NEK9: variants seen among roughly 807,000 people sequenced by gnomAD.
NEK9 encodes the protein NIMA related kinase 9.
In NEK9, 75 loss-of-function variants were observed where a neutral mutation model predicts 123.4. The ratio of observed to expected loss-of-function variants is 0.61; its 90% CI spans 0.50 to 0.74. The LOEUF (loss-of-function observed/expected upper bound fraction) is 0.74. Ranked by LOEUF, NEK9 falls within the 30% of genes least tolerant of loss-of-function variation. NEK9 has a pLI of 0.00. For missense variants in NEK9, 952 were observed against 1,214.4 expected, an observed-to-expected ratio of 0.78 and a Z score of 3.21; for synonymous variants, 438 against 458.7, an observed-to-expected ratio of 0.95 and a Z score of 0.58.
intron 20 of NEK9, among the ~76,000 whole-genome samples, chr14:75,088,010 T>C (rs545563248): frequency 1.3e-5 from 2 of 152,350 alleles, no homozygotes; most frequent in East Asian, 3.8e-4. Context: ...TGGCCTTTAA[T>C]AGGAAAAGTC....
At chr14:75,117,131 GCTTAGT>G in intron 6 of NEK9, 58 bp downstream of exon 6, 1 of 1,538,548 alleles carries the variant, frequency 6.5e-7, no homozygotes. Flanking sequence ...GAGTTGATCT[GCTTAGT>G]CAAGCTGTAC....
At chr14:75,099,468 T>C (rs1356776475) in intron 16 of NEK9, among the ~76,000 whole-genome samples, 1 of 151,742 alleles carries the variant, frequency 6.6e-6, no homozygotes, top group African/African-American at 2.4e-5. Flanking sequence ...GAATGTAGGA[T>C]AGCAACAGCA....
chr14:75,096,137 G>C (rs1054948698), intron 17 of NEK9, among the ~76,000 whole-genome samples: 1 of 151,942 alleles, frequency 6.6e-6, no homozygotes, highest in African/African-American at 2.4e-5. Flanking sequence ...CCAAAAATTA[G>C]CCAGGTGTGA....
At chr14:75,097,407 T>C (rs1316244096) in intron 16 of NEK9, 137 bp from the exon 17 acceptor site, 5 of 670,706 alleles carry the variant, frequency 7.5e-6, no homozygotes, top group South Asian at 3.9e-5. Flanking sequence ...TATTCTCCTA[T>C]ATAAAGCTTA....
intron 6 of NEK9, 74 bp from the exon 7 acceptor site, chr14:75,114,387 A>G (rs1215452071): frequency 8.7e-7 from 1 of 1,154,014 alleles, no homozygotes; most frequent in Non-Finnish European, 1.3e-6. Context: ...AGGGGCTCTC[A>G]GGTGTCTGTG....
At position 75,103,849 on chromosome 14, in the gene NEK9, T is replaced by C. The variant is rs1264697030; in HGVS notation, c.1724A>G (p.Asn575Ser). ...ACCAATCAGGACACTCACTTCATGG[T>C]TGATAATTCCCGACATGCACTGATT... is the stretch of plus-strand genomic sequence containing the variant. Reference protein sequence around the residue: ...GLNQCMSGIINHEAYHEVPYT... With the variant: ...GLNQCMSGIISHEAYHEVPYT... Residue 575 changes from asparagine (N) to serine (S), a missense_variant, in exon 14 of 22, where the codon AAC (asparagine) becomes AGC (serine). Asn to Ser is a conservative substitution (Grantham distance 46). Transcript: ENST00000238616. The C allele has an allele frequency of 6.2e-7, 1 of 1,610,962 alleles. No individual in the cohort carries two copies. Among genetic ancestry groups the C allele is most frequent in the Admixed American group, 1.7e-5 (1 of 59,244 alleles).
Position 75,127,028 on chromosome 14 carries a change from A to G in NEK9, c.-107T>C, listed in dbSNP as rs1895563645. On this transcript the variant is annotated 5_prime_UTR_variant, in exon 1 of 22. Transcript: ENST00000238616. The stretch of plus-strand genomic sequence containing the variant: ...CGGCCCGCGGATCCGTCAGCCCAGC[A>G]ACCCCGCGAAGCTCGATGGTGGCTC... 1 of 921,724 alleles carries G rather than the reference A, an allele frequency of 1.1e-6. No homozygotes were observed. Among genetic ancestry groups the G allele is most frequent in the Non-Finnish European group, 1.5e-6 (1 of 645,716 alleles). The allele number at this position is 921,724 out of a possible 1,614,324, so 57.1% of individuals were successfully genotyped here.
intron 6 of NEK9, chr14:75,116,565 T>C (rs7145159): frequency 0.46 from 131,789 of 283,434 alleles, 33,641 homozygotes; most frequent in East Asian, 0.83. Flanking sequence ...TTCCTACTGC[T>C]TGAAAAAGTG....
intron 6 of NEK9, 142 bp downstream of exon 6, chr14:75,117,053 A>T: frequency 2.0e-6 from 2 of 996,236 alleles, no homozygotes; most frequent in Non-Finnish European, 2.9e-6. Flanking sequence ...ATAGCATTTT[A>T]GTAATAGATT....
chr14:75,126,671 C>T, intron 1 of NEK9, 32 bp downstream of exon 1: 1 of 1,383,936 alleles, frequency 7.2e-7, no homozygotes, highest in Non-Finnish European at 9.4e-7. Context: ...CCGACAGCGC[C>T]AGACAGGGCG....
Position 75,095,344 on chromosome 14 carries a change from C to T in NEK9, c.2233+28G>A, listed in dbSNP as rs762359779. 6 of 1,565,322 alleles carry T rather than the reference C, an allele frequency of 3.8e-6. No individual in the cohort carries two copies. The South Asian group carries it at 5.6e-5, about 15-fold the overall frequency. ...CCAAAAGACCCACACTTCAGAAAAC[C>T]ACTGGTACCTGAAACATTGGTACTT... On this transcript the variant is annotated intron_variant, in intron 18 of 21. Coordinates refer to ENST00000238616, the MANE Select transcript of NEK9 (RefSeq NM_033116.6).
intron 21 of NEK9, 168 bp downstream of exon 21, chr14:75,086,849 TA>T: frequency 1.6e-6 from 1 of 643,706 alleles, no homozygotes; most frequent in Non-Finnish European, 2.7e-6. Context: ...GAGGTTGCAG[TA>T]AGCCAAGATA....
At chr14:75,096,120 A>G (rs939284710) in intron 17 of NEK9, among the ~76,000 whole-genome samples, 1 of 151,762 alleles carries the variant, frequency 6.6e-6, no homozygotes, top group African/African-American at 2.4e-5. Context: ...CATCTCTACT[A>G]AAAAATCCAA....
In NEK9 at chr14:75,126,974, C is replaced by T; in HGVS notation, c.-53G>A. The T allele has an allele frequency of 1.5e-6, 2 of 1,360,768 alleles. No homozygotes were observed. The allele number at this position is 1,360,768 out of a possible 1,614,324, so 84.3% of individuals were successfully genotyped here. ...GCCTGCGTATGCCCGGAGGCCCTGG[C>T]CGCGCTGCGTCCCGCTCGCTTCAGA... On this transcript the variant is annotated 5_prime_UTR_variant, in exon 1 of 22. Coordinates refer to ENST00000238616, the MANE Select transcript of NEK9 (RefSeq NM_033116.6).
chr14:75,094,007 A>T (rs1473287484), intron 18 of NEK9, among the ~76,000 whole-genome samples: 1 of 152,216 alleles, frequency 6.6e-6, no homozygotes, highest in African/African-American at 2.4e-5. Flanking sequence ...CCACCAATGG[A>T]CATTTGCTTT....
At chr14:75,122,789 CTT>C (rs35799337) in intron 2 of NEK9, among the ~76,000 whole-genome samples, 6 of 80,126 alleles carry the variant, frequency 7.5e-5, no homozygotes, top group African/African-American at 1.1e-4. Flanking sequence ...CCACGCCCAG[CTT>C]TTTTTTTTTT....
chr14:75,106,459 T>C, intron 12 of NEK9, 43 bp downstream of exon 12: 1 of 1,604,418 alleles, frequency 6.2e-7, no homozygotes, highest in Non-Finnish European at 8.5e-7. Flanking sequence ...GAAGTCAGGT[T>C]GTATACCTGT....
chr14:75,100,105 G>T (rs1422277673), intron 16 of NEK9, among the ~76,000 whole-genome samples: 1 of 113,006 alleles, frequency 8.8e-6, no homozygotes, highest in Non-Finnish European at 1.7e-5. Context: ...CTCTAGGCTG[G>T]GCAATAGAGC....
At chr14:75,086,711 T>C (rs1894035294) in intron 21 of NEK9, 1 of 303,040 alleles carries the variant, frequency 3.3e-6, no homozygotes, top group South Asian at 3.2e-5. Context: ...ATCGAGACCA[T>C]CCTGGCCAAC....
Sources: allele counts gnomAD v4.1 joint callset (sites outside exome capture counted in the v4.1 genomes callset), GRCh38; gene constraint gnomAD v4.1.1; transcripts MANE v1.5; gene names NCBI Gene and HGNC (gene_info 2026-07-23, HGNC 2026-07-21).